The following PDE6A variants were observed in gnomAD, a reference collection of about 807,000 sequenced individuals.
The protein encoded by PDE6A is phosphodiesterase 6A, also known as rod cGMP-specific 3',5'-cyclic phosphodiesterase subunit alpha.
PDE6A carries 84 observed loss-of-function variants against 106.3 expected under a neutral mutation model. That is an observed-to-expected ratio of 0.79 (90% CI 0.66 to 0.95). The LOEUF is 0.95. Ranked by LOEUF, PDE6A falls within the 40% of genes least tolerant of loss-of-function variation. PDE6A has a pLI of 0.00. For missense variants in PDE6A, 1,052 were observed against 1,084.9 expected (o/e 0.97, Z 0.43); for synonymous variants, 394 against 386.6 (o/e 1.02, Z -0.23).
intron 7 of PDE6A, 77 bp from the exon 8 acceptor site, chr5:149,903,772 T>C: frequency 9.8e-7 from 1 of 1,024,760 alleles, no homozygotes; most frequent in Non-Finnish European, 1.6e-6. Context: ...TATACCATTT[T>C]CAGAAACACC....
At chr5:149,904,075 T>C (rs1221266006) in intron 7 of PDE6A, among the ~76,000 whole-genome samples, 2 of 152,144 alleles carry the variant, frequency 1.3e-5, no homozygotes, top group Admixed American at 1.3e-4. Context: ...GGTGAAACCC[T>C]GTCTCTACTA....
chr5:149,865,060 C>A (rs1760276114), intron 20 of PDE6A, among the ~76,000 whole-genome samples: 1 of 151,910 alleles, frequency 6.6e-6, no homozygotes, highest in African/African-American at 2.4e-5. Flanking sequence ...GCCAACAAGG[C>A]AAAACCCCGT....
chr5:149,870,392 G>A (rs747211910), intron 17 of PDE6A, among the ~76,000 whole-genome samples: 2 of 152,128 alleles, frequency 1.3e-5, no homozygotes, highest in Non-Finnish European at 2.9e-5. Flanking sequence ...TAAGTGCTGT[G>A]GACATGTTTA....
chr5:149,866,441 G>C, intron 19 of PDE6A, 188 bp from the exon 20 acceptor site: 1 of 551,414 alleles, frequency 1.8e-6, no homozygotes. Flanking sequence ...ACCAAATCCA[G>C]AATGTGGGAA....
At chr5:149,937,078 G>C (rs140667412) in intron 1 of PDE6A, among the ~76,000 whole-genome samples, 1 of 152,222 alleles carries the variant, frequency 6.6e-6, no homozygotes, top group East Asian at 1.9e-4. Flanking sequence ...GCTGTAGAGA[G>C]TGATGAAAGG....
At chr5:149,898,182 T>A (rs567365491) in intron 10 of PDE6A, among the ~76,000 whole-genome samples, 181 bp downstream of exon 10, 59 of 152,304 alleles carry the variant, frequency 3.9e-4, no homozygotes, top group South Asian at 2.5e-3. Context: ...ACTCATTCAT[T>A]CATTCATTCA....
At chr5:149,932,651 C>G in intron 3 of PDE6A, 1 of 1,613,358 alleles carries the variant, frequency 6.2e-7, no homozygotes. Context: ...CGTACGAATT[C>G]GACTAATTTC....
chr5:149,891,429 C>T (rs1421564617), intron 13 of PDE6A, among the ~76,000 whole-genome samples: 2 of 152,220 alleles, frequency 1.3e-5, no homozygotes, highest in Admixed American at 1.3e-4. Context: ...GAGATCACAT[C>T]GCTGTACTCC....
At chr5:149,931,354 A>AT (rs3836740) in intron 3 of PDE6A, among the ~76,000 whole-genome samples, 186 bp from the exon 4 acceptor site, 16,167 of 148,802 alleles carry the variant, frequency 0.11, 1,126 homozygotes, top group Admixed American at 0.2. Context: ...AAAGTTTTTA[A>AT]TTTTTTTTTT....
intron 6 of PDE6A, among the ~76,000 whole-genome samples, chr5:149,910,401 C>T (rs890316039): frequency 3.9e-5 from 6 of 152,188 alleles, no homozygotes; most frequent in African/African-American, 7.2e-5. Context: ...AGATTAAATG[C>T]TGCCAATTAA....
intron 18 of PDE6A, 65 bp downstream of exon 18, chr5:149,868,030 A>G: frequency 6.7e-7 from 1 of 1,498,830 alleles, no homozygotes. Flanking sequence ...AGAGAGTCCA[A>G]GCCTCATGAC....
rs1302164238 is a variant in PDE6A, at chr5:149,863,024, A to G, written c.2506+95T>C. On this transcript the variant is annotated intron_variant, in intron 21 of 21. Transcript: ENST00000255266. This position sits in a 1 kb window ranked among gnomAD's most constrained non-coding sequence, Gnocchi z 4.7. ...CAGTATTGGCCATCAGGAGGCCTGAATGAGACTCCGTGTAAGAGTCTCTGA... is the reference window on the plus strand; with the variant it reads ...CAGTATTGGCCATCAGGAGGCCTGAGTGAGACTCCGTGTAAGAGTCTCTGA... 1.4e-5 allele frequency: 20 copies of G among 1,477,806 alleles called. No homozygotes were observed. In the Admixed American group the frequency reaches 3.0e-4, roughly 22 times the overall value. The allele number at this position is 1,477,806 out of a possible 1,614,324, so 91.5% of individuals were successfully genotyped here. A position where few individuals can be genotyped will look rare whatever the true frequency, so the allele number is the denominator to read the frequency against.
At chr5:149,934,119 A>T in intron 2 of PDE6A, 100 bp from the exon 3 acceptor site, 1 of 749,152 alleles carries the variant, frequency 1.3e-6, no homozygotes, top group Non-Finnish European at 2.4e-6. Flanking sequence ...TCAAAGCTTC[A>T]TCAGAGACAA....
intron 4 of PDE6A, among the ~76,000 whole-genome samples, chr5:149,926,568 G>A (rs1753870440): frequency 6.6e-6 from 1 of 152,168 alleles, no homozygotes; most frequent in African/African-American, 2.4e-5. Context: ...TACAATCTTA[G>A]ATCCAGGAAA....
intron 8 of PDE6A, among the ~76,000 whole-genome samples, chr5:149,900,643 C>G (rs1752942946): frequency 6.6e-6 from 1 of 151,832 alleles, no homozygotes; most frequent in South Asian, 2.1e-4. Flanking sequence ...AGATTCTTAA[C>G]ATGGTGAGAT....
intron 2 of PDE6A, 22 bp downstream of exon 2, chr5:149,934,544 T>C: frequency 1.2e-6 from 2 of 1,612,902 alleles, no homozygotes; most frequent in Non-Finnish European, 1.7e-6. Flanking sequence ...ATGGCTATCC[T>C]TAGTCTCTAA....
intron 14 of PDE6A, 34 bp from the exon 15 acceptor site, chr5:149,884,901 G>A (rs773720058): frequency 1.4e-5 from 21 of 1,514,246 alleles, no homozygotes; most frequent in Non-Finnish European, 1.9e-5. Context: ...AATATGGAGT[G>A]GACAATAGAA....
intron 17 of PDE6A, among the ~76,000 whole-genome samples, chr5:149,872,630 G>A (rs1760603674): frequency 6.6e-6 from 1 of 152,114 alleles, no homozygotes; most frequent in Admixed American, 6.5e-5. Flanking sequence ...GCCCTTTCAG[G>A]ACACTTACTC....
At chr5:149,905,311 C>G (rs545294066) in intron 7 of PDE6A, among the ~76,000 whole-genome samples, 1 of 152,224 alleles carries the variant, frequency 6.6e-6, no homozygotes, top group South Asian at 2.1e-4. Flanking sequence ...GTGGCTTCCT[C>G]CACACTCATA....
Sources: gnomAD v4.1 joint callset for allele counts (sites outside exome capture counted in the v4.1 genomes callset) on GRCh38, gnomAD v4.1.1 for gene constraint, Gnocchi (gnomAD v3.1) non-coding constraint, MANE v1.5 for transcripts, NCBI Gene and HGNC (gene_info 2026-07-23, HGNC 2026-07-21) for gene names.